ARHGAP15: variants seen among roughly 807,000 people sequenced by gnomAD.
ARHGAP15 encodes the protein Rho GTPase activating protein 15, also known as rho GTPase-activating protein 15.
ARHGAP15 carries 51 observed loss-of-function variants against 63.7 expected under a neutral mutation model. The ratio of observed to expected loss-of-function variants is 0.80; its 90% CI spans 0.64 to 1.01. The LOEUF (loss-of-function observed/expected upper bound fraction) is 1.01, where lower values mean the gene tolerates loss of function less well. Among genes scored for constraint, ARHGAP15 ranks in the 50% least tolerant of loss-of-function variants. The probability of loss-of-function intolerance (pLI) is 0.00; values close to 1 mark genes in which losing one functional copy is unlikely to be tolerated. For missense variants in ARHGAP15, 560 were observed against 564.6 expected (o/e 0.99, Z 0.08); for synonymous variants, 191 against 193.8 (o/e 0.99, Z 0.12).
intron 13 of ARHGAP15, among the ~76,000 whole-genome samples, chr2:143,756,366 C>T (rs1242891742): frequency 6.6e-6 from 1 of 152,168 alleles, no homozygotes; most frequent in Non-Finnish European, 1.5e-5. Context: ...TAAAATATTA[C>T]TAGCACATAC....
At chr2:143,645,658 A>T (rs1463854175) in intron 12 of ARHGAP15, among the ~76,000 whole-genome samples, 1 of 152,048 alleles carries the variant, frequency 6.6e-6, no homozygotes, top group Non-Finnish European at 1.5e-5. Flanking sequence ...AATTAATTAG[A>T]TTCTTTTGAA....
intron 2 of ARHGAP15, among the ~76,000 whole-genome samples, chr2:143,180,959 A>T (rs1691213866): frequency 6.6e-6 from 1 of 152,182 alleles, no homozygotes; most frequent in South Asian, 2.1e-4. Context: ...GGTGTGAGCC[A>T]CTGTACCCGG....
chr2:143,235,894 C>A, intron 5 of ARHGAP15: 4 of 1,515,170 alleles, frequency 2.6e-6, no homozygotes, highest in Non-Finnish European at 3.5e-6. Context: ...TTGACTCTAG[C>A]ACTTCATTTG....
At chr2:143,748,526 A>G (rs114994464) in intron 13 of ARHGAP15, among the ~76,000 whole-genome samples, 2,911 of 152,302 alleles carry the variant, frequency 0.019, 91 homozygotes, top group African/African-American at 0.066. Flanking sequence ...TTTAAAGTTC[A>G]AGCAGAAAAA....
chr2:143,397,839 C>T (rs1369616702), intron 6 of ARHGAP15, among the ~76,000 whole-genome samples: 1 of 152,026 alleles, frequency 6.6e-6, no homozygotes, highest in East Asian at 1.9e-4. Context: ...GAGTAGTCCT[C>T]TTTAATTATT....
intron 6 of ARHGAP15, among the ~76,000 whole-genome samples, chr2:143,389,833 G>T (rs2104964405): frequency 6.6e-6 from 1 of 152,222 alleles, no homozygotes; most frequent in South Asian, 2.1e-4. Flanking sequence ...TCCTGCCGTT[G>T]TTGTTTACTT....
intron 10 of ARHGAP15, among the ~76,000 whole-genome samples, chr2:143,521,745 A>T (rs1694070863): frequency 6.6e-6 from 1 of 152,056 alleles, no homozygotes; most frequent in Non-Finnish European, 1.5e-5. Context: ...TACTCACTAC[A>T]TCGGCACATT....
intron 12 of ARHGAP15, among the ~76,000 whole-genome samples, chr2:143,627,270 G>A (rs1254228581): frequency 6.6e-6 from 1 of 152,182 alleles, no homozygotes; most frequent in Non-Finnish European, 1.5e-5. Flanking sequence ...TTTTTAATAT[G>A]TAAAACAGAG....
intron 12 of ARHGAP15, among the ~76,000 whole-genome samples, chr2:143,643,246 A>G (rs1291855126): frequency 6.6e-6 from 1 of 152,072 alleles, no homozygotes; most frequent in Non-Finnish European, 1.5e-5. Flanking sequence ...TTGGCACTAC[A>G]TTTGGCTATC....
At chr2:143,243,907 G>A (rs1175253638) in intron 5 of ARHGAP15, among the ~76,000 whole-genome samples, 1 of 151,986 alleles carries the variant, frequency 6.6e-6, no homozygotes, top group Non-Finnish European at 1.5e-5. Context: ...TCTTTTTAAA[G>A]CGAATATATT....
Position 143,624,186 on chromosome 2 carries a change from G to C in ARHGAP15, c.1057G>C (p.Gly353Arg). 1 of 1,613,538 alleles carries C rather than the reference G, an allele frequency of 6.2e-7. No individual in the cohort carries two copies. The highest frequency in any genetic ancestry group is 8.5e-7 in the Non-Finnish European group (1 of 1,179,726). Residue 353 changes from glycine (G) to arginine (R), a missense_variant, in exon 12 of 14, where the codon GGA becomes CGA. Gly to Arg is a moderately radical substitution (Grantham distance 125, BLOSUM62 -2). Coordinates refer to ENST00000295095, the MANE Select transcript of ARHGAP15 (RefSeq NM_018460.4). ...SQWEDIHVVT[G>R]ALKMFFRELP... ...GTGGGAGGACATCCACGTTGTCACCGGAGCACTGAAGATGTTTTTCCGGGA... is the reference window on the plus strand; with the variant it reads ...GTGGGAGGACATCCACGTTGTCACCCGAGCACTGAAGATGTTTTTCCGGGA...
At chr2:143,751,213 A>T (rs1289955616) in intron 13 of ARHGAP15, among the ~76,000 whole-genome samples, 1 of 152,184 alleles carries the variant, frequency 6.6e-6, no homozygotes, top group Non-Finnish European at 1.5e-5. Flanking sequence ...AGGGCCCATC[A>T]CAGTTGTCTC....
chr2:143,421,002 A>G (rs142208537), intron 6 of ARHGAP15, among the ~76,000 whole-genome samples: 82 of 152,312 alleles, frequency 5.4e-4, no homozygotes, highest in African/African-American at 1.9e-3. Flanking sequence ...TTGTTTCAAT[A>G]CAAGGGACTT....
At chr2:143,387,093 C>G (rs1687318361) in intron 6 of ARHGAP15, among the ~76,000 whole-genome samples, 1 of 152,052 alleles carries the variant, frequency 6.6e-6, no homozygotes, top group Non-Finnish European at 1.5e-5. Context: ...GTACAACAAA[C>G]TGCCGTGACA....
chr2:143,574,297 A>C (rs957507002), intron 11 of ARHGAP15, among the ~76,000 whole-genome samples: 1 of 152,072 alleles, frequency 6.6e-6, no homozygotes, highest in South Asian at 2.1e-4. Context: ...CAAGTTTCCA[A>C]TATACAAAGC....
At chr2:143,757,275 T>C (rs1197263657) in intron 13 of ARHGAP15, among the ~76,000 whole-genome samples, 3 of 152,094 alleles carry the variant, frequency 2.0e-5, no homozygotes, top group Non-Finnish European at 4.4e-5. Flanking sequence ...TGTGGGAGGC[T>C]GAGATGGGCA....
chr2:143,293,740 T>TA (rs1386488432), intron 6 of ARHGAP15, among the ~76,000 whole-genome samples: 2 of 151,978 alleles, frequency 1.3e-5, no homozygotes, highest in African/African-American at 4.8e-5. Context: ...AAAGTAATAT[T>TA]AATATATATG....
At chr2:143,226,702 T>A (rs944126728) in intron 4 of ARHGAP15, among the ~76,000 whole-genome samples, 1 of 152,204 alleles carries the variant, frequency 6.6e-6, no homozygotes, top group East Asian at 1.9e-4. Context: ...AATTGAAAAA[T>A]TGATACTCTT....
At chr2:143,736,105 G>A (rs745496309) in intron 13 of ARHGAP15, among the ~76,000 whole-genome samples, 4 of 152,136 alleles carry the variant, frequency 2.6e-5, no homozygotes, top group Non-Finnish European at 5.9e-5. Context: ...TGTGTCAGGC[G>A]CAGTGGCTCA....
Sources: gnomAD v4.1 joint callset for allele counts (sites outside exome capture counted in the v4.1 genomes callset) on GRCh38, gnomAD v4.1.1 for gene constraint, MANE v1.5 for transcripts, NCBI Gene and HGNC (gene_info 2026-07-23, HGNC 2026-07-21) for gene names.